PRXL2A: variants seen among roughly 807,000 people sequenced by gnomAD.
PRXL2A encodes the protein peroxiredoxin like 2A.
In PRXL2A, 26 loss-of-function variants were observed where a neutral mutation model predicts 25.6. The ratio of observed to expected loss-of-function variants is 1.02; its 90% CI spans 0.74 to 1.41. The LOEUF (loss-of-function observed/expected upper bound fraction) is 1.41. Among genes scored for constraint, PRXL2A ranks in the 40% most tolerant of loss-of-function variants. PRXL2A has a pLI of 0.00. For synonymous variants in PRXL2A, 98 were observed against 102.9 expected, an observed-to-expected ratio of 0.95 and a Z score of 0.29; for missense variants, 246 against 273.9, an observed-to-expected ratio of 0.90 and a Z score of 0.72.
At position 80,431,998 on chromosome 10, in the gene PRXL2A, G is replaced by C; in HGVS notation, c.589G>C (p.Glu197Gln). Reference protein sequence around the residue: ...VGSGKQGILLEHREKEFGDKV... With the variant: ...VGSGKQGILLQHREKEFGDKV... ...TGTTTCCTTTTAGGGCATTCTTCTT[G>C]AGCACCGAGAAAAAGAATTTGGAGA... Residue 197 changes from glutamate to glutamine, a missense_variant, in exon 6 of 6, where the codon GAG becomes CAG. Transcript: ENST00000606162. The C allele has an allele frequency of 2.5e-6, 4 of 1,610,046 alleles. No individual in the cohort carries two copies. Among genetic ancestry groups the C allele is most frequent in the African/African-American group, 1.3e-5 (1 of 74,620 alleles).
intron 1 of PRXL2A, among the ~76,000 whole-genome samples, chr10:80,412,645 G>C (rs1488261849): frequency 6.6e-6 from 1 of 152,210 alleles, no homozygotes; most frequent in Non-Finnish European, 1.5e-5. Context: ...TGAGCAGTCA[G>C]TTGTCAGGGC....
chr10:80,425,310 C>G (rs1845005082), intron 3 of PRXL2A, among the ~76,000 whole-genome samples: 1 of 152,170 alleles, frequency 6.6e-6, no homozygotes, highest in African/African-American at 2.4e-5. Flanking sequence ...TATTTAGCAC[C>G]TGTTTTATAC....
upstream of PRXL2A, chr10:80,407,897 C>G (rs1196629887): frequency 6.6e-6 from 1 of 152,358 alleles, no homozygotes; most frequent in African/African-American, 2.4e-5. Context: ...CAGGCGTGAG[C>G]CAGCGCGCCG....
chr10:80,426,105 G>A (rs2131904404), intron 4 of PRXL2A, 99 bp downstream of exon 4: 1 of 1,479,894 alleles, frequency 6.8e-7, no homozygotes, highest in Middle Eastern at 2.2e-4. Context: ...GGAGCTGGAG[G>A]CTGGCCTTCC....
chr10:80,433,463 C>G lies in PRXL2A; in HGVS notation c.*1364C>G, dbSNP rs910534126. The G allele has an allele frequency of 1.3e-5, 2 of 152,236 alleles. No individual in the cohort carries two copies. The highest frequency in any genetic ancestry group is 4.8e-5 in the African/African-American group (2 of 41,412). 9.4% of individuals were successfully genotyped at this position (152,236 alleles called of 1,614,324 possible). On this transcript the variant is annotated 3_prime_UTR_variant, in exon 6 of 6. Transcript: ENST00000606162. ...AAATAGTGTTTACCCAGGGGACTGG[C>G]CCAGCCAGGAGGAGAAAGGAATCAG...
In PRXL2A at chr10:80,427,338, T is replaced by C; in HGVS notation, c.418T>C (p.Phe140Leu). ...TGTCTTTCTCACTCCATAGAAAAAGTTCTATGGTCCACAAAGGCGGAAGAT... is the reference window on the plus strand; with the variant it reads ...TGTCTTTCTCACTCCATAGAAAAAGCTCTATGGTCCACAAAGGCGGAAGAT... ...GEIFLDEKKK[F>L]YGPQRRKMMF... The change falls in exon 5 of 6, where the codon TTC becomes CTC. Residue 140 changes from phenylalanine (F) to leucine (L), a missense_variant. By Grantham distance (22) the Phe-to-Leu change is conservative (BLOSUM62 0). Transcript: ENST00000606162. 1 of 1,613,774 alleles carries C rather than the reference T, an allele frequency of 6.2e-7. No individual in the cohort carries two copies.
intron 1 of PRXL2A, among the ~76,000 whole-genome samples, chr10:80,417,761 T>G (rs1475218497): frequency 3.3e-4 from 48 of 147,436 alleles, no homozygotes; most frequent in Non-Finnish European, 6.7e-4. Context: ...TTTTTTTGTT[T>G]TTTTTTTTTT....
intron 3 of PRXL2A, among the ~76,000 whole-genome samples, chr10:80,423,771 T>G (rs140011579): frequency 3.9e-4 from 59 of 152,348 alleles, no homozygotes; most frequent in African/African-American, 1.3e-3. Flanking sequence ...TGTATTAATT[T>G]TCTGTTGCTG....
chr10:80,436,045 TG>T lies in PRXL2A; in HGVS notation c.*3947del, dbSNP rs1845392630. 1 of 150,350 alleles carries T rather than the reference TG, an allele frequency of 6.7e-6. No homozygotes were observed. The highest frequency in any genetic ancestry group is 2.1e-4 in the South Asian group (1 of 4,748). The allele number at this position is 150,350 out of a possible 1,614,324, so 9.3% of individuals were successfully genotyped here. Reference sequence around the variant, plus strand: ...TCGGATACACAGTAGAATCACCTGGTGCGGGGGTTGGGGGCGGGGTGCAGTG... The same window carrying T: ...TCGGATACACAGTAGAATCACCTGGTCGGGGGTTGGGGGCGGGGTGCAGTG... On this transcript the variant is annotated 3_prime_UTR_variant, in exon 6 of 6. Coordinates refer to ENST00000606162, the MANE Select transcript of PRXL2A (RefSeq NM_032333.5).
chr10:80,422,283 G>A lies in PRXL2A; in HGVS notation c.179-134G>A, dbSNP rs138077636. On this transcript the variant is annotated intron_variant, in intron 2 of 5. Coordinates refer to ENST00000606162, the MANE Select transcript of PRXL2A (RefSeq NM_032333.5). The stretch of plus-strand genomic sequence containing the variant: ...GTGTTTCCTGTGTGTCTTTTCCCAC[G>A]TGTGAAATGCCTGTCCAGGTCCTCT... 176 of 602,568 alleles carry A rather than the reference G, an allele frequency of 2.9e-4. 2 individuals carry two copies. The East Asian group carries it at 4.5e-3, about 15-fold the overall frequency. The allele number at this position is 602,568 out of a possible 1,614,324, so 37.3% of individuals were successfully genotyped here. A position where few individuals can be genotyped will look rare whatever the true frequency, so the allele number is the denominator to read the frequency against.
At chr10:80,413,976 A>T in intron 1 of PRXL2A, 1 of 667,010 alleles carries the variant, frequency 1.5e-6, no homozygotes, top group East Asian at 1.1e-4. Context: ...AGGGTCTCGA[A>T]GCTGGAAACT....
intron 1 of PRXL2A, among the ~76,000 whole-genome samples, chr10:80,415,653 A>G (rs753468145): frequency 6.6e-6 from 1 of 152,206 alleles, no homozygotes. Context: ...TACCAGGTCC[A>G]TATTTTCTTG....
At chr10:80,425,247 T>C (rs1466027733) in intron 3 of PRXL2A, among the ~76,000 whole-genome samples, 1 of 152,234 alleles carries the variant, frequency 6.6e-6, no homozygotes, top group East Asian at 1.9e-4. Flanking sequence ...GGTATCTGCA[T>C]CTCAGCTCAG....
intron 5 of PRXL2A, 80 bp downstream of exon 5, chr10:80,427,576 G>A: frequency 2.0e-6 from 3 of 1,478,674 alleles, no homozygotes; most frequent in Non-Finnish European, 2.8e-6. Flanking sequence ...CTGGAGTGGG[G>A]GTTGACTTTC....
At chr10:80,409,187 A>G (rs964256022) in intron 1 of PRXL2A, 9 of 502,356 alleles carry the variant, frequency 1.8e-5, no homozygotes, top group African/African-American at 2.1e-5. Flanking sequence ...CCTCTTTCCC[A>G]AGAGTCACAA....
At chr10:80,421,455 G>C (rs181170926) in intron 2 of PRXL2A, among the ~76,000 whole-genome samples, 488 of 152,304 alleles carry the variant, frequency 3.2e-3, no homozygotes, top group Non-Finnish European at 5.4e-3. Context: ...TAGCCCCCCA[G>C]GTGGAAGTCA....
chr10:80,418,318 C>T (rs937488209), intron 1 of PRXL2A, among the ~76,000 whole-genome samples: 4 of 152,162 alleles, frequency 2.6e-5, no homozygotes, highest in African/African-American at 9.7e-5. Flanking sequence ...TGGTCTCCAG[C>T]TCCATGTTGC....
chr10:80,414,648 A>T (rs1406334599), intron 1 of PRXL2A, among the ~76,000 whole-genome samples: 1 of 152,174 alleles, frequency 6.6e-6, no homozygotes, highest in African/African-American at 2.4e-5. Context: ...CAGGCTTTGG[A>T]GTCCTATTCC....
chr10:80,416,539 T>C (rs566353966), intron 1 of PRXL2A, among the ~76,000 whole-genome samples: 1 of 152,168 alleles, frequency 6.6e-6, no homozygotes, highest in Admixed American at 6.5e-5. Flanking sequence ...AGGGAAGCCT[T>C]CTTAAAGAGG....
Sources: gnomAD v4.1 joint callset for allele counts (sites outside exome capture counted in the v4.1 genomes callset) on GRCh38, gnomAD v4.1.1 for gene constraint, MANE v1.5 for transcripts, NCBI Gene and HGNC (gene_info 2026-07-23, HGNC 2026-07-21) for gene names.